The following CALN1 variants were observed in gnomAD, a reference collection of about 807,000 sequenced individuals.
The protein encoded by CALN1 is calcium-binding protein 8.
CALN1 carries 17 observed loss-of-function variants against 30.6 expected under a neutral mutation model. The observed-to-expected ratio is 0.56, with a 90% CI of 0.38 to 0.83. The LOEUF (loss-of-function observed/expected upper bound fraction) is 0.83, where lower values mean the gene tolerates loss of function less well. Ranked by LOEUF, CALN1 falls within the 40% of genes least tolerant of loss-of-function variation. CALN1 has a pLI of 0.00. For missense variants in CALN1, 291 were observed against 354.9 expected (o/e 0.82, Z 1.45); for synonymous variants, 156 against 131.4 (o/e 1.19, Z -1.28).
chr7:71,899,140 G>A (rs566017546), intron 5 of CALN1, among the ~76,000 whole-genome samples: 1 of 145,280 alleles, frequency 6.9e-6, no homozygotes, highest in African/African-American at 2.6e-5. Flanking sequence ...CCCCTGCAGA[G>A]ACATCTTTTT....
intron 2 of CALN1, among the ~76,000 whole-genome samples, chr7:72,380,127 CAG>C (rs1292850739): frequency 2.6e-5 from 4 of 152,154 alleles, no homozygotes; most frequent in African/African-American, 9.7e-5. Flanking sequence ...AGTTCTCCAA[CAG>C]AGTCAGAAAA....
chr7:72,125,895 C>T lies in CALN1; in HGVS notation c.245-19601G>A, dbSNP rs558435969. On this transcript the variant is annotated intron_variant, in intron 3 of 6. Transcript: ENST00000395275. The stretch of plus-strand genomic sequence containing the variant: ...CAGCTCACTGCAAACCACCACCTCC[C>T]GGGTTCAAGCGATTCTCCTCCCTCA... Among the ~76,000 whole-genome samples, 12 of 151,444 alleles carry T rather than the reference C, an allele frequency of 7.9e-5. No homozygotes were observed. The South Asian group carries it at 8.4e-4, about 11-fold the overall frequency.
intron 3 of CALN1, among the ~76,000 whole-genome samples, chr7:72,136,948 G>A (rs777990333): frequency 3.9e-5 from 6 of 151,958 alleles, no homozygotes; most frequent in African/African-American, 9.7e-5. Context: ...CACTGATCAC[G>A]ATGTAAGAAT....
rs1055477544 is a variant in CALN1, at chr7:72,403,358, T to C, written c.12A>G (p.Pro4=). The C allele has an allele frequency of 9.7e-6, 15 of 1,547,638 alleles. No individual in the cohort carries two copies. The Admixed American group carries it at 9.8e-5, about 10-fold the overall frequency. Residue 4 remains proline, a synonymous_variant, in exon 2 of 7, where the codon CCA becomes CCG. Transcript: ENST00000395275. MRL[P]EQPGEGKPEN... ...CGGGCTTCCCCTCTCCGGGTTGCTC[T>C]GGCAGCCGCATCGGGGGTCCAGGGC...
At chr7:72,408,906 G>A (rs2129562843) in intron 1 of CALN1, among the ~76,000 whole-genome samples, 1 of 151,764 alleles carries the variant, frequency 6.6e-6, no homozygotes, top group East Asian at 1.9e-4. Context: ...TCAAACTCTT[G>A]GGCTCAAGTA....
At chr7:71,850,934 C>T (rs1000420567) in intron 5 of CALN1, among the ~76,000 whole-genome samples, 9 of 152,034 alleles carry the variant, frequency 5.9e-5, no homozygotes, top group African/African-American at 2.2e-4. Context: ...CAATATTGGC[C>T]TGGTGCAGTG....
chr7:72,213,659 G>A (rs1253113847), intron 3 of CALN1, among the ~76,000 whole-genome samples: 3 of 152,328 alleles, frequency 2.0e-5, no homozygotes, highest in African/African-American at 4.8e-5. Flanking sequence ...AAAGGCAAGA[G>A]TGATGGTATA....
intron 6 of CALN1, among the ~76,000 whole-genome samples, chr7:71,808,336 TATTA>T (rs1419033736): frequency 2.6e-5 from 4 of 151,724 alleles, no homozygotes; most frequent in South Asian, 2.1e-4. Context: ...GACTTAAAAT[TATTA>T]ATTAACCATT....
intron 3 of CALN1, among the ~76,000 whole-genome samples, chr7:72,148,101 T>TAAAAAAAAAAA (rs71300800): frequency 1.1e-5 from 1 of 92,154 alleles, no homozygotes; most frequent in Non-Finnish European, 2.6e-5. Flanking sequence ...TAAAAAAAAA[T>TAAAAAAAAAAA]AAAAAAAAAA....
intron 5 of CALN1, among the ~76,000 whole-genome samples, chr7:71,884,546 G>T (rs1364655416): frequency 6.7e-6 from 1 of 148,434 alleles, no homozygotes; most frequent in African/African-American, 2.5e-5. Context: ...TGGTGGTGAT[G>T]GTTTACACTG....
chr7:71,887,546 G>A (rs919448613), intron 5 of CALN1, among the ~76,000 whole-genome samples: 22 of 152,114 alleles, frequency 1.4e-4, no homozygotes, highest in African/African-American at 4.8e-4. Flanking sequence ...TGATCCACCC[G>A]CCTCGGCCTC....
rs1272508169 is a variant in CALN1, at chr7:72,054,502, T to TATATATACATATATACATATATATAC, written c.389-30734_389-30733insGTATATATATGTATATATGTATATAT. 1.9e-3 allele frequency among the ~76,000 whole-genome samples: 256 copies of TATATATACATATATACATATATATAC among 131,388 alleles called. 3 individuals are homozygous for TATATATACATATATACATATATATAC. Among genetic ancestry groups the TATATATACATATATACATATATATAC allele is most frequent in the African/African-American group, 7.8e-3 (244 of 31,472 alleles). 86.2% of individuals were successfully genotyped at this position (131,388 alleles called of 152,430 possible). A position where few individuals can be genotyped will look rare whatever the true frequency, so the allele number is the denominator to read the frequency against. On this transcript the variant is annotated intron_variant, in intron 4 of 6. Transcript: ENST00000395275. ...ATACATATATATATACATATATACA[T>TATATATACATATATACATATATATAC]ATATATACATATATATACATATATA...
intron 5 of CALN1, among the ~76,000 whole-genome samples, chr7:72,001,835 G>A (rs1267864510): frequency 6.6e-6 from 1 of 152,144 alleles, no homozygotes; most frequent in Non-Finnish European, 1.5e-5. Flanking sequence ...TGTCAGGTAA[G>A]CATGTCTGGT....
At chr7:72,241,773 A>G (rs1238303450) in intron 3 of CALN1, among the ~76,000 whole-genome samples, 1 of 152,182 alleles carries the variant, frequency 6.6e-6, no homozygotes, top group African/African-American at 2.4e-5. Flanking sequence ...AACAGATACC[A>G]TAACTCAGCC....
intron 6 of CALN1, among the ~76,000 whole-genome samples, chr7:71,804,272 G>A (rs1787476669): frequency 6.6e-6 from 1 of 152,198 alleles, no homozygotes; most frequent in African/African-American, 2.4e-5. Flanking sequence ...CCTTTGGGAG[G>A]CTGAGGTGTG....
intron 4 of CALN1, among the ~76,000 whole-genome samples, chr7:72,098,906 C>T (rs1192930659): frequency 1.3e-5 from 2 of 151,882 alleles, no homozygotes; most frequent in Non-Finnish European, 2.9e-5. Flanking sequence ...TGGATGGATC[C>T]GTGTCCAGGA....
intron 2 of CALN1, among the ~76,000 whole-genome samples, chr7:72,356,911 A>G (rs541315315): frequency 2.0e-4 from 30 of 152,088 alleles, no homozygotes; most frequent in African/African-American, 7.0e-4. Context: ...GTGCTTGTCA[A>G]CGTATGTCTT....
At chr7:71,925,754 AGTCAGCAGGAT>A (rs1247029191) in intron 5 of CALN1, among the ~76,000 whole-genome samples, 1 of 152,076 alleles carries the variant, frequency 6.6e-6, no homozygotes, top group African/African-American at 2.4e-5. Context: ...TCTCCTTTAA[AGTCAGCAGGAT>A]GTTGAGCTTT....
intron 4 of CALN1, among the ~76,000 whole-genome samples, chr7:72,078,958 A>C (rs976184310): frequency 3.9e-5 from 6 of 152,110 alleles, no homozygotes; most frequent in Non-Finnish European, 8.8e-5. Flanking sequence ...CAAACAAAAA[A>C]CAGCCAGGGA....
Sources: gnomAD v4.1 joint callset for allele counts (sites outside exome capture counted in the v4.1 genomes callset) on GRCh38, gnomAD v4.1.1 for gene constraint, MANE v1.5 for transcripts, NCBI Gene and HGNC (gene_info 2026-07-23, HGNC 2026-07-21) for gene names.